Variants in PCDHGA5 observed in about 807,000 individuals in gnomAD.
PCDHGA5 encodes the protein protocadherin gamma-A5.
A neutral mutation model predicts 56.7 loss-of-function variants in PCDHGA5; 36 were observed. The observed-to-expected ratio is 0.64, with a 90% CI of 0.49 to 0.84. The LOEUF (loss-of-function observed/expected upper bound fraction) is 0.84. Ranked by LOEUF, PCDHGA5 falls within the 40% of genes least tolerant of loss-of-function variation. The pLI is 0.00. For missense variants in PCDHGA5, 1,305 were observed against 1,201.5 expected (o/e 1.09, Z -1.27); for synonymous variants, 563 against 520.2 (o/e 1.08, Z -1.12).
intron 1 of PCDHGA5, chr5:141,385,358 T>G: frequency 6.5e-7 from 1 of 1,546,418 alleles, no homozygotes; most frequent in South Asian, 1.3e-5. Context: ...CCATGAGGAA[T>G]TTATTTGCAT....
At chr5:141,419,689 G>T in intron 1 of PCDHGA5, 1 of 1,613,000 alleles carries the variant, frequency 6.2e-7, no homozygotes, top group African/African-American at 1.3e-5. Context: ...ACGTGGTGCA[G>T]GCCAGTGAGC....
chr5:141,370,436 G>A, intron 1 of PCDHGA5: 1 of 1,604,136 alleles, frequency 6.2e-7, no homozygotes, highest in Non-Finnish European at 8.5e-7. Context: ...CAGGGCAGAG[G>A]CGAATGCTAT....
chr5:141,445,376 A>T (rs1182418123), intron 1 of PCDHGA5, among the ~76,000 whole-genome samples: 1 of 152,220 alleles, frequency 6.6e-6, no homozygotes, highest in Non-Finnish European at 1.5e-5. Context: ...TGGGTGGTTC[A>T]TTCATTCATT....
At chr5:141,399,670 GCCTTTGACTACGAGCAGCTGCGCA>G (rs758329241) in intron 1 of PCDHGA5, 2 of 1,613,610 alleles carry the variant, frequency 1.2e-6, no homozygotes, top group East Asian at 4.5e-5. Context: ...CGCGCAGCGC[GCCTTTGACTACGAGCAGCTGCGCA>G]CCTTCGAACT....
intron 1 of PCDHGA5, chr5:141,404,067 A>G (rs540954192): frequency 3.7e-6 from 6 of 1,613,894 alleles, no homozygotes; most frequent in South Asian, 2.2e-5. Context: ...TTCAATGCTC[A>G]TGACCGAGAC....
At chr5:141,474,044 T>A (rs1442885504) in intron 1 of PCDHGA5, among the ~76,000 whole-genome samples, 3 of 152,162 alleles carry the variant, frequency 2.0e-5, no homozygotes. Context: ...TACTCCAGCC[T>A]GGATGACAGA....
At chr5:141,447,675 C>T (rs1416110491) in intron 1 of PCDHGA5, among the ~76,000 whole-genome samples, 13 of 152,064 alleles carry the variant, frequency 8.5e-5, no homozygotes, top group Admixed American at 8.5e-4. Context: ...TAGAACTGTT[C>T]CATATCTTGA....
intron 1 of PCDHGA5, chr5:141,398,470 A>G: frequency 6.2e-7 from 1 of 1,604,828 alleles, no homozygotes; most frequent in Non-Finnish European, 8.5e-7. Flanking sequence ...AAATCCACTG[A>G]ACTTTTATCA....
intron 1 of PCDHGA5, chr5:141,419,543 G>A (rs573594140): frequency 2.5e-5 from 40 of 1,612,106 alleles, no homozygotes; most frequent in African/African-American, 2.0e-4. Context: ...CGCACCGCGG[G>A]TGCTGTACCC....
chr5:141,371,660 C>A, intron 1 of PCDHGA5: 1 of 1,614,032 alleles, frequency 6.2e-7, no homozygotes. Context: ...ATGTGACGAT[C>A]ACAGCTACCG....
intron 1 of PCDHGA5, chr5:141,395,524 T>G (rs1312171320): frequency 5.1e-6 from 2 of 392,258 alleles, no homozygotes; most frequent in Non-Finnish European, 9.1e-6. Flanking sequence ...CCGTCCATAC[T>G]GGTAATTTTG....
chr5:141,423,364 C>G (rs1299667864), intron 1 of PCDHGA5: 2 of 1,614,102 alleles, frequency 1.2e-6, no homozygotes, highest in East Asian at 4.5e-5. Flanking sequence ...CATCGTGCTG[C>G]TGGCACTCAG....
intron 3 of PCDHGA5, among the ~76,000 whole-genome samples, chr5:141,508,789 A>C: frequency 1.4e-5 from 2 of 145,944 alleles, no homozygotes; most frequent in African/African-American, 2.6e-5. Context: ...CCCCTAAATC[A>C]CTCTGGAATC....
chr5:141,431,053 G>A lies in PCDHGA5; in HGVS notation c.2422-63754G>A, dbSNP rs1208370015. On this transcript the variant is annotated intron_variant, in intron 1 of 3. Coordinates refer to ENST00000518069, the MANE Select transcript of PCDHGA5 (RefSeq NM_018918.3). This position sits in a 1 kb window ranked among gnomAD's most constrained non-coding sequence, Gnocchi z 4.8. ...TAGACCGGGAGGAGCTCTGTATGGG[G>A]GCCATCAAGTGTCAATTAAATCTAG... 1 of 1,614,174 alleles carries A rather than the reference G, an allele frequency of 6.2e-7. No homozygotes were observed. Among genetic ancestry groups the A allele is most frequent in the Admixed American group, 1.7e-5 (1 of 60,030 alleles).
At chr5:141,370,322 C>T (rs1311185888) in intron 1 of PCDHGA5, 8 of 1,366,842 alleles carry the variant, frequency 5.9e-6, no homozygotes, top group Non-Finnish European at 7.0e-6. Context: ...GTTGGTCCTG[C>T]TCGGAGAACT....
chr5:141,466,358 A>T (rs1210013683), intron 1 of PCDHGA5, among the ~76,000 whole-genome samples: 3 of 152,066 alleles, frequency 2.0e-5, no homozygotes, highest in Non-Finnish European at 4.4e-5. Context: ...GCTAATCTAG[A>T]TGTAATGGTT....
chr5:141,370,282 G>C (rs1485340521), intron 1 of PCDHGA5: 2 of 938,746 alleles, frequency 2.1e-6, no homozygotes, highest in East Asian at 2.6e-5. Context: ...ACACCCATTA[G>C]AGAACCCAAG....
Position 141,485,036 on chromosome 5 carries a change from C to A in PCDHGA5, c.2422-9771C>A. ...CGCCACCAGCAAAAACGGCGCGTAA[C>A]CCTTGCGGCGCCGGCCGAACCGCGC... On this transcript the variant is annotated intron_variant, in intron 1 of 3. Coordinates refer to ENST00000518069, the MANE Select transcript of PCDHGA5 (RefSeq NM_018918.3). The surrounding 1 kb of genome is among the most constrained non-coding windows in gnomAD (Gnocchi z 5.7). 1 of 698,458 alleles carries A rather than the reference C, an allele frequency of 1.4e-6. No individual in the cohort carries two copies. The highest frequency in any genetic ancestry group is 2.5e-6 in the Non-Finnish European group (1 of 399,316). The allele number at this position is 698,458 out of a possible 1,614,324, so 43.3% of individuals were successfully genotyped here. A position where few individuals can be genotyped will look rare whatever the true frequency, so the allele number is the denominator to read the frequency against.
rs75309884 is a variant in PCDHGA5, at chr5:141,382,670, T to C, written c.2421+15919T>C. On this transcript the variant is annotated intron_variant, in intron 1 of 3. Coordinates refer to ENST00000518069, the MANE Select transcript of PCDHGA5 (RefSeq NM_018918.3). ...TTAGTAAGGACTCACAGCGCCGCTG[T>C]TCACCAACCAGGGAAAAATGGTGCG... 662 of 433,180 alleles carry C rather than the reference T, an allele frequency of 1.5e-3. 2 individuals are homozygous for C. Among genetic ancestry groups the C allele is most frequent in the Non-Finnish European group, 2.1e-3 (522 of 246,008 alleles). 26.8% of individuals were successfully genotyped at this position (433,180 alleles called of 1,614,324 possible).
Sources: allele counts gnomAD v4.1 joint callset (sites outside exome capture counted in the v4.1 genomes callset), GRCh38; gene constraint gnomAD v4.1.1; non-coding constraint Gnocchi (gnomAD v3.1); transcripts MANE v1.5; gene names NCBI Gene and HGNC (gene_info 2026-07-23, HGNC 2026-07-21).